The following ZNF687 variants were observed in gnomAD, a reference collection of about 807,000 sequenced individuals.
ZNF687 encodes the protein zinc finger protein 687.
In ZNF687, 13 loss-of-function variants were observed where a neutral mutation model predicts 71.8. That is an observed-to-expected ratio of 0.18 (90% CI 0.12 to 0.29). ZNF687 has a LOEUF of 0.29. Ranked by LOEUF, ZNF687 falls within the 10% of genes least tolerant of loss-of-function variation. The probability of loss-of-function intolerance (pLI) is 1.00; values close to 1 mark genes in which losing one functional copy is unlikely to be tolerated. For missense variants in ZNF687, 1,412 were observed against 1,625.6 expected (o/e 0.87, Z 2.26); for synonymous variants, 673 against 641.6 (o/e 1.05, Z -0.74).
Position 151,287,338 on chromosome 1 carries a change from C to A in ZNF687, c.1047C>A (p.Val349=), listed in dbSNP as rs1693996239. The stretch of plus-strand genomic sequence containing the variant: ...ATATCACAAGGACTGTAACTCAGGT[C>A]CCCTCAGATCCTGATCCACCTGCCC... The part of the protein sequence containing the change: ...CGNITRTVTQ[V]PSDPDPPAPL... The change falls in exon 2 of 9, where the codon GTC becomes GTA. Residue 349 remains valine, a synonymous_variant. Coordinates refer to ENST00000336715, the MANE Select transcript of ZNF687 (RefSeq NM_020832.3). The surrounding 1 kb of genome is among the most constrained non-coding windows in gnomAD (Gnocchi z 5.0). The A allele has an allele frequency of 6.2e-7, 1 of 1,614,082 alleles. No individual in the cohort carries two copies. The highest frequency in any genetic ancestry group is 8.5e-7 in the Non-Finnish European group (1 of 1,180,030).
At chr1:151,284,850 C>CCCAGGCTGGAGTGCAGTGGCATGATCA (rs2101864099) in intron 1 of ZNF687, among the ~76,000 whole-genome samples, 1 of 140,198 alleles carries the variant, frequency 7.1e-6, no homozygotes, top group South Asian at 2.4e-4. Flanking sequence ...CACTCTGTCA[C>CCCAGGCTGGAGTGCAGTGGCATGATCA]CCAGGCTGGA....
upstream of ZNF687, chr1:151,281,698 G>T (rs1437949882): frequency 2.3e-6 from 1 of 437,884 alleles, no homozygotes; most frequent in Non-Finnish European, 4.9e-6. Context: ...TGGGAAGACC[G>T]CAAGGAAATG....
chr1:151,285,675 G>C (rs1384927972), intron 1 of ZNF687: 1 of 152,376 alleles, frequency 6.6e-6, no homozygotes, highest in Non-Finnish European at 1.5e-5. Context: ...GCCTCCCCAA[G>C]TGCTGGGATT....
At chr1:151,282,629 C>T (rs1461459813) in intron 1 of ZNF687, among the ~76,000 whole-genome samples, 3 of 152,196 alleles carry the variant, frequency 2.0e-5, no homozygotes, top group African/African-American at 7.2e-5. Context: ...GGTCGAGAAC[C>T]CCAGGTCCTG....
chr1:151,283,307 G>T (rs1693804856), intron 1 of ZNF687: 3 of 985,468 alleles, frequency 3.0e-6, no homozygotes, highest in Non-Finnish European at 3.6e-6. Context: ...CAGGCCTTGG[G>T]CCCGGGCAAA....
At chr1:151,282,064 C>T, upstream of ZNF687, 1 of 1,285,506 alleles carries the variant, frequency 7.8e-7, no homozygotes, top group South Asian at 1.2e-5. Flanking sequence ...GACCCCGGCG[C>T]AGCCAATGGG....
intron 1 of ZNF687, chr1:151,283,904 G>T: frequency 1.0e-6 from 1 of 985,342 alleles, no homozygotes; most frequent in Non-Finnish European, 1.2e-6. Context: ...CTGGGAAATG[G>T]CCTGCAACCT....
chr1:151,288,840 G>A, intron 3 of ZNF687, 134 bp downstream of exon 3: 1 of 1,179,842 alleles, frequency 8.5e-7, no homozygotes, highest in East Asian at 2.4e-5. Flanking sequence ...TCAACCCTGA[G>A]ATAGTACGTC....
chr1:151,290,551 G>A lies in ZNF687; in HGVS notation c.3197G>A (p.Arg1066Gln), dbSNP rs747360452. The A allele has an allele frequency of 9.3e-6, 15 of 1,613,502 alleles. No homozygotes were observed. The highest frequency in any genetic ancestry group is 3.3e-5 in the Admixed American group (2 of 59,982). The change falls in exon 8 of 9, where the codon CGG becomes CAG. Residue 1066 changes from arginine to glutamine, a missense_variant. Around this residue, in one of 8 missense-constraint regions of ZNF687, gnomAD observed 284 missense variants for 359.2 expected, o/e 0.79. Coordinates refer to ENST00000336715, the MANE Select transcript of ZNF687 (RefSeq NM_020832.3). ...CCTGGCCGGGGGACCACCTTGGCTCGGGGTTCCAGTGCCAGAGCCCAGGTA... is the reference window on the plus strand; with the variant it reads ...CCTGGCCGGGGGACCACCTTGGCTCAGGGTTCCAGTGCCAGAGCCCAGGTA... ...QSPGRGTTLA[R>Q]GSSARAQGPG...
Position 151,291,232 on chromosome 1 carries a change from A to C in ZNF687, c.*23A>C. The C allele has an allele frequency of 6.4e-7, 1 of 1,571,264 alleles. No homozygotes were observed. Among genetic ancestry groups the C allele is most frequent in the Admixed American group, 1.8e-5 (1 of 54,070 alleles). On this transcript the variant is annotated 3_prime_UTR_variant, in exon 9 of 9. Transcript: ENST00000336715. ...TAGTCTCCAAGGCCTGGGACTGACC[A>C]GCCCCTTCCTCTTGGAGCCTGGTTT...
chr1:151,283,271 C>G (rs1033554291), intron 1 of ZNF687: 1 of 985,294 alleles, frequency 1.0e-6, no homozygotes, highest in Non-Finnish European at 1.2e-6. Flanking sequence ...CTAATCGCCG[C>G]CAGCCCCTCG....
At position 151,291,132 on chromosome 1, in the gene ZNF687, C is replaced by T; in HGVS notation, c.3637C>T (p.Leu1213=). 1 of 1,613,294 alleles carries T rather than the reference C, an allele frequency of 6.2e-7. No individual in the cohort carries two copies. The highest frequency in any genetic ancestry group is 8.5e-7 in the Non-Finnish European group (1 of 1,180,000). The part of the protein sequence containing the change: ...KVCGKSCDSP[L]NLKTHFRTHG... ...CTGTGGCAAGAGCTGCGACAGCCCT[C>T]TAAACCTCAAGACCCACTTCCGCAC... is the stretch of plus-strand genomic sequence containing the variant. Residue 1213 remains leucine, a synonymous_variant, in exon 9 of 9, where the codon CTA becomes TTA. Transcript: ENST00000336715.
Position 151,287,203 on chromosome 1 carries a change from T to G in ZNF687, c.912T>G (p.Ser304Arg), listed in dbSNP as rs774584857. The G allele has an allele frequency of 5.0e-6, 8 of 1,614,006 alleles. No individual in the cohort carries two copies. Among genetic ancestry groups the G allele is most frequent in the Non-Finnish European group, 6.8e-6 (8 of 1,179,960 alleles). The change falls in exon 2 of 9, where the codon AGT becomes AGG. Residue 304 changes from serine (S) to arginine (R), a missense_variant. Coordinates refer to ENST00000336715, the MANE Select transcript of ZNF687 (RefSeq NM_020832.3). This position sits in a 1 kb window ranked among gnomAD's most constrained non-coding sequence, Gnocchi z 5.0. ...VDKSSPGSPQ[S>R]PSSGAEAADE... ...AGTCTTCCCCAGGAAGTCCCCAGAG[T>G]CCCTCTAGTGGGGCCGAGGCTGCAG...
rs374403013 is a variant in ZNF687 at position 151,288,303 on chromosome 1, C to A, written c.2012C>A (p.Thr671Lys). ...PPAAPATSAY[T>K]CFRCLECKEQ... Reference sequence around the variant, plus strand: ...GCTGCCCCGGCCACCTCTGCTTACACATGCTTTCGCTGCCTGGAGTGCAAG... The same window carrying A: ...GCTGCCCCGGCCACCTCTGCTTACAAATGCTTTCGCTGCCTGGAGTGCAAG... The change falls in exon 2 of 9, where the codon ACA becomes AAA. Residue 671 changes from threonine to lysine, a missense_variant. Coordinates refer to ENST00000336715, the MANE Select transcript of ZNF687 (RefSeq NM_020832.3). 1 of 1,613,232 alleles carries A rather than the reference C, an allele frequency of 6.2e-7. No individual in the cohort carries two copies. The highest frequency in any genetic ancestry group is 8.5e-7 in the Non-Finnish European group (1 of 1,180,006).
intron 1 of ZNF687, chr1:151,285,722 CT>C (rs953191359): frequency 6.6e-6 from 1 of 152,096 alleles, no homozygotes; most frequent in Non-Finnish European, 1.5e-5. Flanking sequence ...CCCTATATTT[CT>C]TTTTTTTGAG....
rs201237841 is a variant in ZNF687 at position 151,289,696 on chromosome 1, C to T, written c.2653C>T (p.Arg885Cys). ...CTCACAGAACACCCATCAGTCTGGGCGCTTGGAGGAGACTGCTGGGAAAGG... is the reference window on the plus strand; with the variant it reads ...CTCACAGAACACCCATCAGTCTGGGTGCTTGGAGGAGACTGCTGGGAAAGG... ...EHLKNTHQSG[R>C]LEETAGKGAG... Residue 885 changes from arginine to cysteine, a missense_variant, in exon 6 of 9, where the codon CGC becomes TGC. Coordinates refer to ENST00000336715, the MANE Select transcript of ZNF687 (RefSeq NM_020832.3). 1.4e-4 allele frequency: 212 copies of T among 1,567,144 alleles called. 1 individual carries two copies. The highest frequency in any genetic ancestry group is 1.8e-4 in the Non-Finnish European group (205 of 1,154,678).
chr1:151,286,168 T>C (rs1387332589), intron 1 of ZNF687, 107 bp from the exon 2 acceptor site: 1 of 898,748 alleles, frequency 1.1e-6, no homozygotes, highest in Admixed American at 2.7e-5. Context: ...TAAGTTGGAG[T>C]GTATGTGGGT....
At chr1:151,283,955 T>A (rs1274606336) in intron 1 of ZNF687, 29 of 985,312 alleles carry the variant, frequency 2.9e-5, no homozygotes, top group Admixed American at 6.1e-5. Context: ...AGTTGCTTCT[T>A]CGTAGATACA....
In ZNF687 at chr1:151,287,395, T is replaced by C; in HGVS notation, c.1104T>C (p.Ala368=). ...CTGAGGGGGCCTTCTTGGCTGAGGC[T>C]AGCCTCTTGAAGCTGTCCCCTGCAA... ...PLAEGAFLAE[A]SLLKLSPATP... is the part of the protein sequence containing the mutation. The change falls in exon 2 of 9, where the codon GCT becomes GCC. Residue 368 remains alanine, a synonymous_variant. Transcript: ENST00000336715. This position sits in a 1 kb window ranked among gnomAD's most constrained non-coding sequence, Gnocchi z 5.0. 1 of 1,614,204 alleles carries C rather than the reference T, an allele frequency of 6.2e-7. No individual in the cohort carries two copies. Among genetic ancestry groups the C allele is most frequent in the Non-Finnish European group, 8.5e-7 (1 of 1,180,036 alleles).
Sources: gnomAD v4.1 joint callset for allele counts (sites outside exome capture counted in the v4.1 genomes callset) on GRCh38, gnomAD v4.1.1 for gene constraint, gnomAD v4.1.1 regional missense constraint, Gnocchi (gnomAD v3.1) non-coding constraint, MANE v1.5 for transcripts, NCBI Gene and HGNC (gene_info 2026-07-23, HGNC 2026-07-21) for gene names.